The following CACNA1C variants were observed in gnomAD, a reference collection of about 807,000 sequenced individuals.
The protein encoded by CACNA1C is voltage-dependent L-type calcium channel subunit alpha-1C.
In CACNA1C, 30 loss-of-function variants were observed where a neutral mutation model predicts 229.0. The ratio of observed to expected loss-of-function variants is 0.13; its 90% CI spans 0.10 to 0.18. CACNA1C has a LOEUF of 0.18. Ranked by LOEUF, CACNA1C falls within the 10% of genes least tolerant of loss-of-function variation. The pLI is 1.00. For synonymous variants in CACNA1C, 1,114 were observed against 1,132.5 expected (o/e 0.98, Z 0.33); for missense variants, 1,658 against 2,845.0 (o/e 0.58, Z 9.49).
chr12:2,359,385 G>A (rs1003198294), intron 3 of CACNA1C, among the ~76,000 whole-genome samples: 2 of 152,178 alleles, frequency 1.3e-5, no homozygotes, highest in Non-Finnish European at 2.9e-5. Context: ...AACTTTTGGG[G>A]TGTGTTACCA....
chr12:2,528,099 C>T lies in CACNA1C; in HGVS notation c.1390+15115C>T, dbSNP rs61909405. Among the ~76,000 whole-genome samples the T allele has an allele frequency of 5.6e-3, 858 of 152,256 alleles. 2 individuals carry two copies. Among genetic ancestry groups the T allele is most frequent in the Non-Finnish European group, 0.01 (701 of 68,022 alleles). On this transcript the variant is annotated intron_variant, in intron 9 of 46. Transcript: ENST00000399655. ...TCTGGGATGAATGACCCTCATGTTC[C>T]TCTCCCAACAGGATGCCAGAGTTTT... is the stretch of plus-strand genomic sequence containing the variant.
Position 2,249,629 on chromosome 12 carries a change from G to C in CACNA1C, c.477+129199G>C, listed in dbSNP as rs193089223. Among the ~76,000 whole-genome samples, 5 of 152,328 alleles carry C rather than the reference G, an allele frequency of 3.3e-5. No homozygotes were observed. In the East Asian group the frequency reaches 7.7e-4, roughly 24 times the overall value. ...ATTAGCTCTGTGAAGTGGGCACACA[G>C]AGGTGATGATTGTTCCCTGTTTATT... On this transcript the variant is annotated intron_variant, in intron 3 of 46. Coordinates refer to ENST00000399655, the MANE Select transcript of CACNA1C (RefSeq NM_000719.7).
intron 38 of CACNA1C, among the ~76,000 whole-genome samples, chr12:2,670,551 T>TTTAAAA (rs2096504583): frequency 6.6e-6 from 1 of 151,762 alleles, no homozygotes; most frequent in South Asian, 2.1e-4. Context: ...TCAAAATAAT[T>TTTAAAA]AGCTGATTTT....
intron 19 of CACNA1C, among the ~76,000 whole-genome samples, chr12:2,594,145 C>G (rs779652739): frequency 3.9e-5 from 6 of 152,184 alleles, no homozygotes; most frequent in Non-Finnish European, 8.8e-5. Flanking sequence ...TGTGGTTGTA[C>G]AGATTTACTA....
At chr12:2,266,624 GGTAA>G (rs2082500118) in intron 3 of CACNA1C, among the ~76,000 whole-genome samples, 1 of 152,208 alleles carries the variant, frequency 6.6e-6, no homozygotes, top group East Asian at 1.9e-4. Context: ...GCTCTGGTTT[GGTAA>G]GTGAGTGACC....
At chr12:2,137,199 G>A (rs759045864) in intron 3 of CACNA1C, among the ~76,000 whole-genome samples, 4 of 151,408 alleles carry the variant, frequency 2.6e-5, no homozygotes, top group Non-Finnish European at 5.9e-5. Flanking sequence ...GGGATGGGTA[G>A]TAAGAGAGTG....
chr12:2,037,455 G>T (rs1047536716), intron 1 of CACNA1C, among the ~76,000 whole-genome samples: 7 of 152,100 alleles, frequency 4.6e-5, no homozygotes, highest in Non-Finnish European at 8.8e-5. Flanking sequence ...AAGTATCTTC[G>T]GGCCCCACTT....
intron 1 of CACNA1C, among the ~76,000 whole-genome samples, chr12:1,986,040 C>A (rs1221308114): frequency 2.0e-5 from 3 of 152,190 alleles, no homozygotes; most frequent in African/African-American, 7.2e-5. Context: ...GTCTCGATCT[C>A]CTGACCTCGT....
chr12:2,166,334 CAT>C (rs1391373802), intron 3 of CACNA1C, among the ~76,000 whole-genome samples: 3 of 152,210 alleles, frequency 2.0e-5, no homozygotes, highest in Admixed American at 6.5e-5. Context: ...GGAAGAGAAA[CAT>C]AAAGATAATG....
At chr12:2,162,936 C>T (rs1421436399) in intron 3 of CACNA1C, among the ~76,000 whole-genome samples, 2 of 152,144 alleles carry the variant, frequency 1.3e-5, no homozygotes, top group Non-Finnish European at 2.9e-5. Flanking sequence ...TTTGCCCATG[C>T]ACATGGAAAA....
At position 2,067,481 on chromosome 12, in the gene CACNA1C, T is replaced by TGTGCGTGTGC. The variant is rs3085990; in HGVS notation, c.49+13871_49+13872insTGCGTGTGCG. 7.1e-6 allele frequency among the ~76,000 whole-genome samples: 1 copy of TGTGCGTGTGC among 140,778 alleles called. No homozygotes were observed. The highest frequency in any genetic ancestry group is 1.5e-5 in the Non-Finnish European group (1 of 65,688). The allele number at this position is 140,778 out of a possible 152,430, so 92.4% of individuals were successfully genotyped here. On this transcript the variant is annotated intron_variant, in intron 1 of 46. Coordinates refer to ENST00000399655, the MANE Select transcript of CACNA1C (RefSeq NM_000719.7). The surrounding 1 kb of genome is among the most constrained non-coding windows in gnomAD (Gnocchi z 5.3). ...GTGTGTGTGTGTGTGTGTGTGTGTG[T>TGTGCGTGTGC]GCGCGCGTGTGCGTGCCTGTATGTA...
At chr12:2,652,833 C>A (rs891625602) in intron 32 of CACNA1C, among the ~76,000 whole-genome samples, 1 of 152,240 alleles carries the variant, frequency 6.6e-6, no homozygotes, top group Admixed American at 6.5e-5. Flanking sequence ...GCAGGACTGC[C>A]GCTGACTCTG....
At chr12:2,599,203 C>A (rs985893843) in intron 21 of CACNA1C, among the ~76,000 whole-genome samples, 1 of 152,184 alleles carries the variant, frequency 6.6e-6, no homozygotes, top group African/African-American at 2.4e-5. Flanking sequence ...CCTTCCATCC[C>A]CTCCCTCTTC....
chr12:2,401,111 G>A (rs1306240943), intron 3 of CACNA1C, among the ~76,000 whole-genome samples: 2 of 152,138 alleles, frequency 1.3e-5, no homozygotes, highest in Non-Finnish European at 2.9e-5. Context: ...TAACTGGATG[G>A]CTCTTAGTGA....
chr12:2,635,796 GTGTGTA>G (rs1855359967), intron 30 of CACNA1C, among the ~76,000 whole-genome samples: 1 of 152,118 alleles, frequency 6.6e-6, no homozygotes, highest in Non-Finnish European at 1.5e-5. Flanking sequence ...TGTCCGGTGT[GTGTGTA>G]TGTGTATGTG....
intron 3 of CACNA1C, among the ~76,000 whole-genome samples, chr12:2,172,592 GT>G (rs1305430775): frequency 2.0e-5 from 3 of 152,222 alleles, no homozygotes; most frequent in Non-Finnish European, 4.4e-5. Flanking sequence ...CCACGGAGAA[GT>G]TGGGAAGATG....
In CACNA1C at chr12:2,651,846, G is replaced by C; in HGVS notation, c.4074+78G>C. 8.3e-7 allele frequency: 1 copy of C among 1,202,486 alleles called. No homozygotes were observed. Among genetic ancestry groups the C allele is most frequent in the Non-Finnish European group, 1.2e-6 (1 of 861,652 alleles). 74.5% of individuals were successfully genotyped at this position (1,202,486 alleles called of 1,614,324 possible). ...CCCAGAACACAGCTGACACAAGGAG[G>C]AGCCCTCCACTCTGGGGCCCTGCTC... On this transcript the variant is annotated intron_variant, in intron 32 of 46. Transcript: ENST00000399655. This position sits in a 1 kb window ranked among gnomAD's most constrained non-coding sequence, Gnocchi z 5.4.
chr12:2,367,762 A>C (rs530536364), intron 3 of CACNA1C, among the ~76,000 whole-genome samples: 1 of 152,314 alleles, frequency 6.6e-6, no homozygotes, highest in East Asian at 1.9e-4. Context: ...TAAGAGAATG[A>C]ATGCTATTCA....
intron 3 of CACNA1C, among the ~76,000 whole-genome samples, chr12:2,280,782 G>A (rs1042328623): frequency 4.6e-5 from 7 of 151,926 alleles, no homozygotes; most frequent in Middle Eastern, 3.4e-3. Context: ...GCTGTGCTTC[G>A]GTTTAACCTC....
Sources: gnomAD v4.1 joint callset for allele counts (sites outside exome capture counted in the v4.1 genomes callset) on GRCh38, gnomAD v4.1.1 for gene constraint, Gnocchi (gnomAD v3.1) non-coding constraint, MANE v1.5 for transcripts, NCBI Gene and HGNC (gene_info 2026-07-23, HGNC 2026-07-21) for gene names.